Variants in ASIC2 observed in about 807,000 individuals in gnomAD.
The protein encoded by ASIC2 is acid sensing ion channel subunit 2.
Under a neutral mutation model 57.3 loss-of-function variants are expected in ASIC2, and 25 were observed. That is an observed-to-expected ratio of 0.44 (90% CI 0.32 to 0.61). The LOEUF is 0.61. ASIC2 is among the 20% of genes least tolerant of loss of function. The pLI is 0.06. For synonymous variants in ASIC2, 319 were observed against 307.5 expected (o/e 1.04, Z -0.39); for missense variants, 641 against 738.1 (o/e 0.87, Z 1.52).
At chr17:33,170,381 A>T (rs1461424985) in intron 1 of ASIC2, among the ~76,000 whole-genome samples, 1 of 152,220 alleles carries the variant, frequency 6.6e-6, no homozygotes, top group African/African-American at 2.4e-5. Context: ...TGTTGTTTTT[A>T]AAACAGATCA....
At chr17:34,041,289 A>T (rs1377617310) in intron 1 of ASIC2, 1 of 152,222 alleles carries the variant, frequency 6.6e-6, no homozygotes, top group Non-Finnish European at 1.5e-5. Flanking sequence ...GCAGAAGAAG[A>T]GACTGGTTGG....
At chr17:33,106,370 G>A (rs542534153) in intron 2 of ASIC2, among the ~76,000 whole-genome samples, 11 of 152,240 alleles carry the variant, frequency 7.2e-5, no homozygotes, top group African/African-American at 2.6e-4. Flanking sequence ...GGGAAATCAG[G>A]GCAGATTGTA....
intron 1 of ASIC2, among the ~76,000 whole-genome samples, chr17:33,329,331 T>C (rs1907209820): frequency 6.6e-6 from 1 of 152,172 alleles, no homozygotes; most frequent in Admixed American, 6.5e-5. Context: ...GTGGTAGCCA[T>C]TAGTGTGATT....
intron 1 of ASIC2, among the ~76,000 whole-genome samples, chr17:34,043,280 T>C (rs1055133631): frequency 6.6e-6 from 1 of 152,250 alleles, no homozygotes; most frequent in South Asian, 2.1e-4. Context: ...TATTTTTCTA[T>C]ATGTATGCTG....
In ASIC2 at chr17:33,823,038, G is replaced by A. The variant is rs34136970; in HGVS notation, c.555+332940C>T. Among the ~76,000 whole-genome samples, 482 of 152,294 alleles carry A rather than the reference G, an allele frequency of 3.2e-3. 2 individuals are homozygous for A. The highest frequency in any genetic ancestry group is 0.011 in the African/African-American group (456 of 41,564). The stretch of plus-strand genomic sequence containing the variant: ...GATATGCAGTGTAGACAGGAGACCC[G>A]AGTTCAATTCTGGACTCTACTAGTG... On this transcript the variant is annotated intron_variant, in intron 1 of 9. Coordinates refer to the ASIC2 transcript ENST00000359872.
rs1248579695 is a variant in ASIC2, at chr17:33,196,527, A to G, written c.709-84460T>C. 3.3e-5 allele frequency among the ~76,000 whole-genome samples: 5 copies of G among 152,182 alleles called. No homozygotes were observed. The East Asian group carries it at 7.7e-4, about 23-fold the overall frequency. On this transcript the variant is annotated intron_variant, in intron 1 of 9. Coordinates refer to ENST00000225823, the MANE Select transcript of ASIC2 (RefSeq NM_183377.2). ...GCTGAAGAGCATACATAGAATTACA[A>G]TGGCCTGTCCTGGTGGAAGCAACTT...
chr17:34,106,913 G>A (rs1911081429), intron 1 of ASIC2, among the ~76,000 whole-genome samples: 1 of 152,024 alleles, frequency 6.6e-6, no homozygotes, highest in Non-Finnish European at 1.5e-5. Flanking sequence ...TATTATTCCA[G>A]GAGTATATTT....
At chr17:33,119,477 G>A (rs562774944) in intron 1 of ASIC2, among the ~76,000 whole-genome samples, 1 of 152,298 alleles carries the variant, frequency 6.6e-6, no homozygotes, top group African/African-American at 2.4e-5. Context: ...TGGGTTACCA[G>A]GCTTCCAGTA....
chr17:33,677,424 A>T (rs1907860569), intron 1 of ASIC2, among the ~76,000 whole-genome samples: 1 of 152,246 alleles, frequency 6.6e-6, no homozygotes, highest in Non-Finnish European at 1.5e-5. Flanking sequence ...AAGTCTTATT[A>T]TTCAAGAAAT....
At chr17:33,577,386 G>C (rs1159773340) in intron 1 of ASIC2, among the ~76,000 whole-genome samples, 1 of 152,146 alleles carries the variant, frequency 6.6e-6, no homozygotes, top group African/African-American at 2.4e-5. Flanking sequence ...GGAATCTCCA[G>C]GGGAGAGGTG....
intron 1 of ASIC2, among the ~76,000 whole-genome samples, chr17:33,365,330 G>A (rs915784707): frequency 1.3e-5 from 2 of 151,674 alleles, no homozygotes; most frequent in African/African-American, 4.8e-5. Context: ...TATTGTATTT[G>A]TTATCTGCCT....
intron 1 of ASIC2, among the ~76,000 whole-genome samples, chr17:33,546,078 G>A (rs1048195045): frequency 1.2e-4 from 18 of 150,962 alleles, no homozygotes; most frequent in African/African-American, 4.2e-4. Flanking sequence ...TTAGCATGAT[G>A]CATTTATGGG....
chr17:33,558,491 T>C (rs1915975871), intron 1 of ASIC2, among the ~76,000 whole-genome samples: 1 of 152,242 alleles, frequency 6.6e-6, no homozygotes, highest in South Asian at 2.1e-4. Flanking sequence ...TCTAACTTCA[T>C]AGTACTAAAA....
At chr17:33,164,496 A>T (rs1311181142) in intron 1 of ASIC2, among the ~76,000 whole-genome samples, 1 of 151,978 alleles carries the variant, frequency 6.6e-6, no homozygotes, top group Admixed American at 6.6e-5. Context: ...CTCAAACCTC[A>T]GGCAGGAATG....
At chr17:33,212,139 T>C (rs1467152216) in intron 1 of ASIC2, among the ~76,000 whole-genome samples, 1 of 152,216 alleles carries the variant, frequency 6.6e-6, no homozygotes, top group Non-Finnish European at 1.5e-5. Flanking sequence ...GTAGGCTGGA[T>C]AACTGTCTGC....
chr17:33,497,157 C>T lies in ASIC2; in HGVS notation c.556-385090G>A, dbSNP rs1016356467. Among the ~76,000 whole-genome samples the T allele has an allele frequency of 8.5e-5, 13 of 152,348 alleles. No homozygotes were observed. In the South Asian group the frequency reaches 1.5e-3, roughly 17 times the overall value. ...GTAGTGGGCATGTGTGATTTGTCTC[C>T]ACAGCATCCATGTCCCCTTCTTCAA... is the stretch of plus-strand genomic sequence containing the variant. On this transcript the variant is annotated intron_variant, in intron 1 of 9. Transcript: ENST00000359872.
rs572945831 is a variant in ASIC2 at position 33,263,376 on chromosome 17, TTA to T, written c.708+28030_708+28031del. Among the ~76,000 whole-genome samples, 152 of 152,336 alleles carry T rather than the reference TTA, an allele frequency of 1.0e-3. 1 individual carries two copies. In the Middle Eastern group the frequency reaches 0.01, roughly 10 times the overall value. ...ATTGCAGGCTGCAATTGTGGGTTTT[TTA>T]TGTTTTGATTAGTAAACCAAGCTTT... On this transcript the variant is annotated intron_variant, in intron 1 of 9. Transcript: ENST00000225823.
At chr17:33,583,017 C>G (rs988087428) in intron 1 of ASIC2, among the ~76,000 whole-genome samples, 1 of 152,128 alleles carries the variant, frequency 6.6e-6, no homozygotes, top group African/African-American at 2.4e-5. Context: ...TGGCTCTCAC[C>G]CTGCCCTCCA....
chr17:33,332,439 A>T (rs946236511), intron 1 of ASIC2, among the ~76,000 whole-genome samples: 2 of 152,160 alleles, frequency 1.3e-5, no homozygotes, highest in Non-Finnish European at 2.9e-5. Context: ...TTGGTATCGA[A>T]TCTTGGCGAT....
Sources: gnomAD v4.1 joint callset for allele counts (sites outside exome capture counted in the v4.1 genomes callset) on GRCh38, gnomAD v4.1.1 for gene constraint, MANE v1.5 for transcripts, NCBI Gene and HGNC (gene_info 2026-07-23, HGNC 2026-07-21) for gene names.